Variants in SERPINE3 observed in about 807,000 individuals in gnomAD.
SERPINE3 encodes serpin E3.
A neutral mutation model predicts 41.7 loss-of-function variants in SERPINE3; 43 were observed. The ratio of observed to expected loss-of-function variants is 1.03; its 90% CI spans 0.81 to 1.33. The LOEUF is 1.33. SERPINE3 is among the 40% of genes most tolerant of loss of function. The pLI is 0.00. For missense variants in SERPINE3, 440 were observed against 491.7 expected (o/e 0.89, Z 0.99); for synonymous variants, 200 against 192.2 (o/e 1.04, Z -0.34).
intron 7 of SERPINE3, 54 bp from the exon 8 acceptor site, chr13:51,361,222 ATG>A (rs1955569617): frequency 9.0e-7 from 1 of 1,116,414 alleles, no homozygotes; most frequent in Non-Finnish European, 1.3e-6. Flanking sequence ...TGTGTTCTAA[ATG>A]TGTTAGAAAA....
At chr13:51,355,014 A>T in intron 6 of SERPINE3, 29 bp from the exon 7 acceptor site, 1 of 1,152,666 alleles carries the variant, frequency 8.7e-7, no homozygotes, top group Non-Finnish European at 1.3e-6. Flanking sequence ...GAGAATTTTG[A>T]AAGTTGATGG....
At chr13:51,362,621 A>G (rs1165601160) in intron 9 of SERPINE3, 1 of 152,460 alleles carries the variant, frequency 6.6e-6, no homozygotes, top group Non-Finnish European at 1.5e-5. Flanking sequence ...AAAAAGAAAT[A>G]GGATAGAACA....
rs1300827027 is a variant in SERPINE3 at position 51,341,070 on chromosome 13, T to G, written c.-17-5T>G. The G allele has an allele frequency of 5.6e-6, 9 of 1,609,642 alleles. No individual in the cohort carries two copies. The South Asian group carries it at 9.9e-5, about 18-fold the overall frequency. Reference sequence around the variant, plus strand: ...TACCCTGCATCTCTTCCCTCTGAATTGCAGGAACCCTCCCAGCCTCCATGC... The same window carrying G: ...TACCCTGCATCTCTTCCCTCTGAATGGCAGGAACCCTCCCAGCCTCCATGC... On this transcript the variant is annotated splice_polypyrimidine_tract_variant and splice_region_variant and intron_variant, in intron 2 of 9. Transcript: ENST00000681248.
Position 51,341,317 on chromosome 13 carries a change from C to G in SERPINE3, c.226C>G (p.Leu76Val), listed in dbSNP as rs1593635120. 5 of 1,609,198 alleles carry G rather than the reference C, an allele frequency of 3.1e-6. No individual in the cohort carries two copies. The highest frequency in any genetic ancestry group is 4.2e-6 in the Non-Finnish European group (5 of 1,177,334). ...FGAEGSTGQQ[L>V]ADALGYTVHD... ...AGCAGAAGGGAGCACTGGTCAGCAG[C>G]TGGCAGATGCCCTGGGGTACACTGT... Residue 76 changes from leucine to valine, a missense_variant, in exon 3 of 10, where the codon CTG becomes GTG. By Grantham distance (32) the Leu-to-Val change is conservative (BLOSUM62 1). Coordinates refer to ENST00000681248, the MANE Select transcript of SERPINE3 (RefSeq NM_001386375.1).
At chr13:51,360,172 T>G (rs1489982399) in intron 7 of SERPINE3, among the ~76,000 whole-genome samples, 2 of 152,062 alleles carry the variant, frequency 1.3e-5, no homozygotes, top group Non-Finnish European at 2.9e-5. Flanking sequence ...ACAAACCAAT[T>G]TAAGCGTTAG....
intron 6 of SERPINE3, among the ~76,000 whole-genome samples, chr13:51,352,673 G>A (rs1288936501): frequency 6.6e-6 from 1 of 151,986 alleles, no homozygotes; most frequent in Non-Finnish European, 1.5e-5. Context: ...CTGATCTTAG[G>A]GGGAAAGTTT....
At chr13:51,362,730 T>C (rs1441624436) in intron 9 of SERPINE3, 1 of 152,456 alleles carries the variant, frequency 6.6e-6, no homozygotes, top group Non-Finnish European at 1.5e-5. Context: ...ATGAAAATTA[T>C]GCATAGTTTT....
At chr13:51,343,729 T>C (rs1272550182) in intron 3 of SERPINE3, among the ~76,000 whole-genome samples, 1 of 152,254 alleles carries the variant, frequency 6.6e-6, no homozygotes, top group Admixed American at 6.5e-5. Flanking sequence ...ATCCAAATGT[T>C]ACTCAGGCTC....
At chr13:51,355,750 A>G (rs1955471520) in intron 7 of SERPINE3, among the ~76,000 whole-genome samples, 1 of 152,218 alleles carries the variant, frequency 6.6e-6, no homozygotes, top group African/African-American at 2.4e-5. Context: ...GGAAATTTAT[A>G]TCAAATATAA....
At chr13:51,357,298 T>C (rs1162096732) in intron 7 of SERPINE3, among the ~76,000 whole-genome samples, 15 of 152,188 alleles carry the variant, frequency 9.9e-5, no homozygotes, top group Admixed American at 9.8e-4. Flanking sequence ...CAACAAATAG[T>C]TTCCTCATTC....
chr13:51,358,120 T>C (rs1326545996), intron 7 of SERPINE3, among the ~76,000 whole-genome samples: 1 of 152,070 alleles, frequency 6.6e-6, no homozygotes, highest in Non-Finnish European at 1.5e-5. Flanking sequence ...AGATTCTTCT[T>C]AGCACTCTCT....
intron 3 of SERPINE3, 131 bp from the exon 4 acceptor site, chr13:51,344,121 T>TTC: frequency 1.5e-6 from 1 of 685,748 alleles, no homozygotes; most frequent in Non-Finnish European, 2.6e-6. Context: ...ACTGGCTTTG[T>TTC]ATGGTAGATG....
At chr13:51,341,409 G>A in intron 3 of SERPINE3, 62 bp downstream of exon 3, 1 of 1,452,088 alleles carries the variant, frequency 6.9e-7, no homozygotes, top group Non-Finnish European at 9.3e-7. Context: ...ACTCTCTCCA[G>A]CTCACCCTCC....
intron 7 of SERPINE3, among the ~76,000 whole-genome samples, chr13:51,358,572 G>T (rs563014695): frequency 7.2e-5 from 11 of 152,156 alleles, no homozygotes; most frequent in African/African-American, 2.2e-4. Flanking sequence ...GAACATTAAG[G>T]CCATTCGTAT....
intron 1 of SERPINE3, 59 bp from the exon 2 acceptor site, chr13:51,340,725 G>T (rs1233860877): frequency 2.7e-5 from 8 of 293,102 alleles, no homozygotes; most frequent in Non-Finnish European, 5.2e-5. Flanking sequence ...AGAACAATGA[G>T]TAGGATTACC....
intron 7 of SERPINE3, among the ~76,000 whole-genome samples, chr13:51,358,227 A>T (rs1284915029): frequency 6.6e-6 from 1 of 152,112 alleles, no homozygotes; most frequent in South Asian, 2.1e-4. Flanking sequence ...AAAAAGATAA[A>T]CTAGAAGCAA....
At chr13:51,357,471 G>T (rs1232323078) in intron 7 of SERPINE3, among the ~76,000 whole-genome samples, 1 of 152,072 alleles carries the variant, frequency 6.6e-6, no homozygotes, top group Non-Finnish European at 1.5e-5. Flanking sequence ...AAGCAGTTTT[G>T]TACTACTGAT....
At chr13:51,341,381 C>A (rs751455556) in intron 3 of SERPINE3, 34 bp downstream of exon 3, 19 of 1,544,876 alleles carry the variant, frequency 1.2e-5, no homozygotes, top group Non-Finnish European at 1.5e-5. Flanking sequence ...ACTCACTTAC[C>A]CTCCTGTTCA....
chr13:51,355,568 A>C (rs1259329892), intron 7 of SERPINE3, among the ~76,000 whole-genome samples: 1 of 152,082 alleles, frequency 6.6e-6, no homozygotes, highest in African/African-American at 2.4e-5. Context: ...CTCTTCTAAT[A>C]AGCTAGTCTT....
Sources: gnomAD v4.1 joint callset for allele counts (sites outside exome capture counted in the v4.1 genomes callset) on GRCh38, gnomAD v4.1.1 for gene constraint, MANE v1.5 for transcripts, NCBI Gene and HGNC (gene_info 2026-07-23, HGNC 2026-07-21) for gene names.